TMEM221: variants seen among roughly 807,000 people sequenced by gnomAD.
TMEM221 encodes Putative transmembrane protein ENSP00000342162.
TMEM221 carries 11 observed loss-of-function variants against 10.2 expected under a neutral mutation model. That is an observed-to-expected ratio of 1.08 (90% CI 0.68 to 1.79). The LOEUF (loss-of-function observed/expected upper bound fraction) is 1.79, where lower values mean the gene tolerates loss of function less well. TMEM221 is among the 40% of genes most tolerant of loss of function. The probability of loss-of-function intolerance (pLI) is 0.00; values close to 1 mark genes in which losing one functional copy is unlikely to be tolerated. For missense variants in TMEM221, 382 were observed against 417.7 expected, an observed-to-expected ratio of 0.91 and a Z score of 0.75; for synonymous variants, 172 against 199.8, an observed-to-expected ratio of 0.86 and a Z score of 1.18.
rs540321549 is a variant in TMEM221 at position 17,436,088 on chromosome 19, C to T, written c.*370G>A. The T allele has an allele frequency of 2.2e-5, 4 of 180,432 alleles. No individual in the cohort carries two copies. The highest frequency in any genetic ancestry group is 4.6e-5 in the Non-Finnish European group (4 of 87,180). The allele number at this position is 180,432 out of a possible 1,614,324, so 11.2% of individuals were successfully genotyped here. ...TTAGAGAATCACTGCCTAAGCCCCC[C>T]GCTCCCCTTATGCCTGTAACAGAAT... is the stretch of plus-strand genomic sequence containing the variant. On this transcript the variant is annotated 3_prime_UTR_variant, in exon 3 of 3. Transcript: ENST00000341130.
chr19:17,439,410 G>A (rs8112590), intron 2 of TMEM221, among the ~76,000 whole-genome samples: 51,635 of 151,846 alleles, frequency 0.34, 9,200 homozygotes, highest in South Asian at 0.39. Context: ...AATCCTGGCC[G>A]GGCGCAGTGG....
rs1400222712 is a variant in TMEM221 at position 17,448,349 on chromosome 19, G to A, written c.114C>T (p.Arg38=). ...CGGCGCGCAGCCCCCGCAGCTCGGC[G>A]CGGCCCGCCTGCAGCTGAAACAGCA... The part of the protein sequence containing the change: ...AQLLFQLQAG[R]AELRGLRAEG... The change falls in exon 1 of 3, where the codon CGC becomes CGT. Residue 38 remains arginine, a synonymous_variant. Coordinates refer to ENST00000341130, the MANE Select transcript of TMEM221 (RefSeq NM_001190844.2). This position sits in a 1 kb window ranked among gnomAD's most constrained non-coding sequence, Gnocchi z 4.7. 1.5e-6 allele frequency: 2 copies of A among 1,349,846 alleles called. No homozygotes were observed. Among genetic ancestry groups the A allele is most frequent in the East Asian group, 6.4e-5 (2 of 31,446 alleles). 83.6% of individuals were successfully genotyped at this position (1,349,846 alleles called of 1,614,324 possible).
chr19:17,438,029 C>T (rs1280151799), intron 2 of TMEM221, among the ~76,000 whole-genome samples: 1 of 151,398 alleles, frequency 6.6e-6, no homozygotes, highest in Non-Finnish European at 1.5e-5. Context: ...AGGTGATTCT[C>T]CCACCTCAGC....
intron 2 of TMEM221, among the ~76,000 whole-genome samples, chr19:17,441,564 C>T (rs2074932016): frequency 6.6e-6 from 1 of 152,108 alleles, no homozygotes; most frequent in Non-Finnish European, 1.5e-5. Flanking sequence ...AATTGCTTCC[C>T]CTGATGTTAG....
At chr19:17,444,347 TG>T (rs1159026881) in intron 2 of TMEM221, among the ~76,000 whole-genome samples, 8 of 151,778 alleles carry the variant, frequency 5.3e-5, no homozygotes, top group Admixed American at 5.3e-4. Context: ...CCCCTCAAAG[TG>T]CTGGGATTAC....
intron 2 of TMEM221, among the ~76,000 whole-genome samples, chr19:17,442,934 C>T (rs2074937647): frequency 6.6e-6 from 1 of 152,058 alleles, no homozygotes; most frequent in Non-Finnish European, 1.5e-5. Flanking sequence ...TATAAATTCC[C>T]ACAGTGAGCC....
Position 17,448,464 on chromosome 19 carries a change from G to A in TMEM221, c.-2C>T. 6.8e-7 allele frequency: 1 copy of A among 1,472,490 alleles called. No individual in the cohort carries two copies. The highest frequency in any genetic ancestry group is 9.0e-7 in the Non-Finnish European group (1 of 1,116,850). 91.2% of individuals were successfully genotyped at this position (1,472,490 alleles called of 1,614,324 possible). A position where few individuals can be genotyped will look rare whatever the true frequency, so the allele number is the denominator to read the frequency against. On this transcript the variant is annotated 5_prime_UTR_variant, in exon 1 of 3. Transcript: ENST00000341130. This position sits in a 1 kb window ranked among gnomAD's most constrained non-coding sequence, Gnocchi z 4.7. ...CCGGCCGCCGTAAGAACGGGCCATG[G>A]CGGGGGTTCCTGCGGGCCGGGGGAA...
In TMEM221 at chr19:17,448,219, C is replaced by T. The variant is rs2074960091; in HGVS notation, c.244G>A (p.Gly82Arg). Residue 82 changes from glycine (G) to arginine (R), a missense_variant, in exon 1 of 3, where the codon GGG (glycine) becomes AGG (arginine). Physicochemically the swap from Gly to Arg is moderately radical, Grantham distance 125 (BLOSUM62 -2). Coordinates refer to ENST00000341130, the MANE Select transcript of TMEM221 (RefSeq NM_001190844.2). This position sits in a 1 kb window ranked among gnomAD's most constrained non-coding sequence, Gnocchi z 4.7. ...AALAALVLVLGFTCLLLAALC... is the reference protein window; with the variant it reads ...AALAALVLVLRFTCLLLAALC... ...GCGGCGAGCAGCAAGCAGGTGAACC[C>T]CAGCACGAGCACCAGCGCGGCCAGC... 3.6e-6 allele frequency: 5 copies of T among 1,384,870 alleles called. No individual in the cohort carries two copies. The South Asian group carries it at 7.8e-5, about 22-fold the overall frequency. The allele number at this position is 1,384,870 out of a possible 1,614,324, so 85.8% of individuals were successfully genotyped here.
At chr19:17,444,753 CAT>C (rs903663180) in intron 2 of TMEM221, 15 of 136,826 alleles carry the variant, frequency 1.1e-4, no homozygotes, top group African/African-American at 2.4e-4. Flanking sequence ...TTAATATAAA[CAT>C]ATAAATATAA....
rs2074960064 is a variant in TMEM221 at position 17,448,212 on chromosome 19, G to T, written c.251C>A (p.Thr84Asn). ...ACAGAGCGCGGCGAGCAGCAAGCAG[G>T]TGAACCCCAGCACGAGCACCAGCGC... is the stretch of plus-strand genomic sequence containing the variant. The part of the protein sequence containing the change: ...LAALVLVLGF[T>N]CLLLAALCGH... The change falls in exon 1 of 3, where the codon ACC becomes AAC. Residue 84 changes from threonine (T) to asparagine (N), a missense_variant. By Grantham distance (65) the Thr-to-Asn change is moderately conservative (BLOSUM62 0). Transcript: ENST00000341130. The surrounding 1 kb of genome is among the most constrained non-coding windows in gnomAD (Gnocchi z 4.7). 2.1e-6 allele frequency: 3 copies of T among 1,425,552 alleles called. No individual in the cohort carries two copies. The highest frequency in any genetic ancestry group is 6.1e-5 in the East Asian group (2 of 32,854). 88.3% of individuals were successfully genotyped at this position (1,425,552 alleles called of 1,614,324 possible).
chr19:17,448,199 G>A lies in TMEM221; in HGVS notation c.264C>T (p.Leu88=), dbSNP rs1277225501. 7.7e-6 allele frequency: 11 copies of A among 1,435,622 alleles called. No homozygotes were observed. The highest frequency in any genetic ancestry group is 1.5e-5 in the African/African-American group (1 of 67,398). 88.9% of individuals were successfully genotyped at this position (1,435,622 alleles called of 1,614,324 possible). ...VLVLGFTCLL[L]AALCGHLGAE... ...CGCCCAGGTGGCCACAGAGCGCGGC[G>A]AGCAGCAAGCAGGTGAACCCCAGCA... The change falls in exon 1 of 3, where the codon CTC becomes CTT. Residue 88 remains leucine (L), a synonymous_variant. Transcript: ENST00000341130. This position sits in a 1 kb window ranked among gnomAD's most constrained non-coding sequence, Gnocchi z 4.7.
intron 1 of TMEM221, among the ~76,000 whole-genome samples, chr19:17,446,574 A>G (rs143458388): frequency 1.3e-5 from 2 of 152,196 alleles, no homozygotes; most frequent in Non-Finnish European, 1.5e-5. Flanking sequence ...TTTTCAGCAC[A>G]GTGGCTAGAG....
intron 2 of TMEM221, among the ~76,000 whole-genome samples, chr19:17,440,221 T>A (rs1026983252): frequency 5.2e-5 from 5 of 96,900 alleles, no homozygotes; most frequent in African/African-American, 1.8e-4. Context: ...GTTAAAATGG[T>A]ATTTTTTTTT....
chr19:17,447,283 A>C (rs2144506700), intron 1 of TMEM221, among the ~76,000 whole-genome samples: 1 of 151,818 alleles, frequency 6.6e-6, no homozygotes, highest in Admixed American at 6.6e-5. Flanking sequence ...CTGCCTCCCA[A>C]AGGGCTGGGA....
chr19:17,437,943 G>A (rs145431580), intron 2 of TMEM221, among the ~76,000 whole-genome samples: 58 of 150,722 alleles, frequency 3.8e-4, no homozygotes, highest in African/African-American at 1.4e-3. Context: ...TTTTGAGACA[G>A]GGTCTTGCTC....
chr19:17,444,980 C>T (rs1181983251), intron 2 of TMEM221: 1 of 408,690 alleles, frequency 2.4e-6, no homozygotes, highest in South Asian at 3.1e-5. Flanking sequence ...CTCAGAATCT[C>T]CTCAAGTGAT....
At chr19:17,441,211 GAAAAAAAAA>G (rs569733675) in intron 2 of TMEM221, among the ~76,000 whole-genome samples, 5 of 51,788 alleles carry the variant, frequency 9.7e-5, no homozygotes, top group African/African-American at 2.1e-4. Flanking sequence ...CCATCTCAGA[GAAAAAAAAA>G]AAAAAAAAAG....
chr19:17,445,892 C>A (rs930408433), intron 1 of TMEM221, among the ~76,000 whole-genome samples: 1 of 151,172 alleles, frequency 6.6e-6, no homozygotes, highest in Non-Finnish European at 1.5e-5. Flanking sequence ...CCCACCCATT[C>A]ATCCATCCAT....
Position 17,436,209 on chromosome 19 carries a change from T to G in TMEM221, c.*249A>C. On this transcript the variant is annotated 3_prime_UTR_variant, in exon 3 of 3. Transcript: ENST00000341130. Reference sequence around the variant, plus strand: ...GCCAGTGGGATATAAAAAGAAGGGTTTCGAGGCTTCCTGGGAAGACTTCCA... The same window carrying G: ...GCCAGTGGGATATAAAAAGAAGGGTGTCGAGGCTTCCTGGGAAGACTTCCA... 2.1e-6 allele frequency: 1 copy of G among 471,994 alleles called. No homozygotes were observed. Among genetic ancestry groups the G allele is most frequent in the South Asian group, 3.9e-5 (1 of 25,498 alleles). The allele number at this position is 471,994 out of a possible 1,614,324, so 29.2% of individuals were successfully genotyped here.
Sources: allele counts gnomAD v4.1 joint callset (sites outside exome capture counted in the v4.1 genomes callset), GRCh38; gene constraint gnomAD v4.1.1; non-coding constraint Gnocchi (gnomAD v3.1); transcripts MANE v1.5; gene names NCBI Gene and HGNC (gene_info 2026-07-23, HGNC 2026-07-21).